The following MEGF11 variants were observed in gnomAD, a reference collection of about 807,000 sequenced individuals.
The protein encoded by MEGF11 is multiple EGF like domains 11.
A neutral mutation model predicts 146.6 loss-of-function variants in MEGF11; 126 were observed. The ratio of observed to expected loss-of-function variants is 0.86; its 90% CI spans 0.74 to 1.00. MEGF11 has a LOEUF of 1.00. Ranked by LOEUF, MEGF11 falls within the 50% of genes least tolerant of loss-of-function variation. The pLI, the probability that MEGF11 is intolerant of heterozygous loss-of-function variation, is 0.00. For synonymous variants in MEGF11, 532 were observed against 583.4 expected, an observed-to-expected ratio of 0.91 and a Z score of 1.27; for missense variants, 1,509 against 1,521.2, an observed-to-expected ratio of 0.99 and a Z score of 0.13.
chr15:65,963,930 A>G (rs960764928), intron 9 of MEGF11, among the ~76,000 whole-genome samples: 15 of 152,250 alleles, frequency 9.9e-5, no homozygotes, highest in African/African-American at 3.6e-4. Context: ...TGGCCGTCCC[A>G]GCGACAGGGC....
At chr15:65,954,567 A>ATGGGAATTCGCTGGG (rs1282132874) in intron 10 of MEGF11, among the ~76,000 whole-genome samples, 1 of 152,214 alleles carries the variant, frequency 6.6e-6, no homozygotes, top group Non-Finnish European at 1.5e-5. Context: ...GAGGAGATGG[A>ATGGGAATTCGCTGGG]TGGGAATTCG....
chr15:66,164,810 C>T (rs531578240), intron 1 of MEGF11, among the ~76,000 whole-genome samples: 39 of 152,366 alleles, frequency 2.6e-4, no homozygotes, highest in African/African-American at 8.7e-4. Flanking sequence ...AAAAGCAGTA[C>T]ATTTGTCTGA....
At chr15:66,221,723 G>A (rs920928041) in intron 1 of MEGF11, among the ~76,000 whole-genome samples, 1 of 151,986 alleles carries the variant, frequency 6.6e-6, no homozygotes, top group Non-Finnish European at 1.5e-5. Flanking sequence ...TTTCCCTAAA[G>A]AACAATCTCT....
chr15:66,075,995 C>T (rs1047979277), intron 5 of MEGF11, among the ~76,000 whole-genome samples: 6 of 147,390 alleles, frequency 4.1e-5, no homozygotes, highest in Admixed American at 2.1e-4. Flanking sequence ...TCCATATGCC[C>T]GGAACCTAGC....
At chr15:66,152,532 G>T (rs926587918) in intron 1 of MEGF11, among the ~76,000 whole-genome samples, 1 of 152,188 alleles carries the variant, frequency 6.6e-6, no homozygotes, top group Admixed American at 6.5e-5. Context: ...TATCTGAAAG[G>T]CCTTGCCAGG....
intron 5 of MEGF11, among the ~76,000 whole-genome samples, chr15:66,048,797 T>C (rs751456222): frequency 3.1e-4 from 47 of 152,164 alleles, no homozygotes; most frequent in Non-Finnish European, 5.6e-4. Flanking sequence ...GGCAGCAGAA[T>C]TGACAGATAA....
At chr15:66,141,183 G>A (rs892893014) in intron 1 of MEGF11, among the ~76,000 whole-genome samples, 2 of 151,194 alleles carry the variant, frequency 1.3e-5, no homozygotes, top group Non-Finnish European at 2.9e-5. Flanking sequence ...CAGGACTACC[G>A]GCTTGTCCAA....
intron 13 of MEGF11, 43 bp downstream of exon 13, chr15:65,928,382 A>G: frequency 7.2e-7 from 1 of 1,379,416 alleles, no homozygotes; most frequent in East Asian, 2.5e-5. Context: ...CCAAGAACCC[A>G]GTTTCACAGT....
intron 5 of MEGF11, among the ~76,000 whole-genome samples, chr15:66,080,604 T>C (rs570781139): frequency 5.9e-4 from 90 of 152,350 alleles, no homozygotes; most frequent in African/African-American, 2.1e-3. Flanking sequence ...TGAGAAGCGC[T>C]CAGTAAATGT....
At chr15:65,927,475 C>A (rs2079411123) in intron 13 of MEGF11, among the ~76,000 whole-genome samples, 1 of 152,144 alleles carries the variant, frequency 6.6e-6, no homozygotes, top group African/African-American at 2.4e-5. Flanking sequence ...TAAACAGTTA[C>A]CACAGTTGTC....
chr15:65,910,795 G>A (rs1465455773), intron 21 of MEGF11, among the ~76,000 whole-genome samples: 1 of 152,174 alleles, frequency 6.6e-6, no homozygotes, highest in Non-Finnish European at 1.5e-5. Flanking sequence ...GGGCATAGCC[G>A]TGGACTATGA....
At chr15:66,209,146 C>T (rs1052349403) in intron 1 of MEGF11, among the ~76,000 whole-genome samples, 22 of 151,966 alleles carry the variant, frequency 1.4e-4, no homozygotes, top group Non-Finnish European at 2.5e-4. Flanking sequence ...GTCAGGAGAT[C>T]GAGACCATCC....
intron 6 of MEGF11, among the ~76,000 whole-genome samples, chr15:65,981,990 G>A (rs2081655318): frequency 6.6e-6 from 1 of 152,228 alleles, no homozygotes; most frequent in Admixed American, 6.5e-5. Flanking sequence ...CTGGAAGGAA[G>A]GAATCTGAGA....
chr15:66,175,731 T>C (rs1185411130), intron 1 of MEGF11, among the ~76,000 whole-genome samples: 3 of 152,054 alleles, frequency 2.0e-5, no homozygotes, highest in Non-Finnish European at 4.4e-5. Context: ...GAAGAAAACA[T>C]AGGGGAAATA....
chr15:66,060,747 C>T (rs966235715), intron 5 of MEGF11, among the ~76,000 whole-genome samples: 10 of 152,338 alleles, frequency 6.6e-5, no homozygotes, highest in South Asian at 6.2e-4. Context: ...CCCGTGTCCT[C>T]GCAGCACCTA....
chr15:66,153,326 GCA>G (rs1295180452), intron 1 of MEGF11, among the ~76,000 whole-genome samples: 2 of 152,178 alleles, frequency 1.3e-5, no homozygotes, highest in African/African-American at 4.8e-5. Context: ...TGTAATCCCA[GCA>G]CTTTGGGAGG....
intron 10 of MEGF11, among the ~76,000 whole-genome samples, chr15:65,931,828 A>G (rs777306356): frequency 6.6e-6 from 1 of 152,212 alleles, no homozygotes; most frequent in Admixed American, 6.5e-5. Flanking sequence ...CATACACACT[A>G]TCTCATTTAA....
chr15:65,947,607 T>A (rs2080245560), intron 10 of MEGF11, among the ~76,000 whole-genome samples: 1 of 152,174 alleles, frequency 6.6e-6, no homozygotes, highest in Non-Finnish European at 1.5e-5. Context: ...CCCATTTGGT[T>A]GTCTACTTTC....
chr15:66,194,154 A>G (rs189326530), intron 1 of MEGF11, among the ~76,000 whole-genome samples: 1 of 152,354 alleles, frequency 6.6e-6, no homozygotes, highest in East Asian at 1.9e-4. Context: ...CATACCATGG[A>G]CTACTCAGCC....
Sources: allele counts gnomAD v4.1 joint callset (sites outside exome capture counted in the v4.1 genomes callset), GRCh38; gene constraint gnomAD v4.1.1; transcripts MANE v1.5; gene names NCBI Gene and HGNC (gene_info 2026-07-23, HGNC 2026-07-21).